Variants in TGS1 observed in about 807,000 individuals in gnomAD.
The protein encoded by TGS1 is trimethylguanosine synthase 1, also known as trimethylguanosine synthase.
A neutral mutation model predicts 92.2 loss-of-function variants in TGS1; 69 were observed. That is an observed-to-expected ratio of 0.75 (90% CI 0.62 to 0.91). The LOEUF (loss-of-function observed/expected upper bound fraction) is 0.91. Among genes scored for constraint, TGS1 ranks in the 40% least tolerant of loss-of-function variants. TGS1 has a pLI of 0.00. For synonymous variants in TGS1, 345 were observed against 338.1 expected (o/e 1.02, Z -0.22); for missense variants, 1,062 against 1,001.2 (o/e 1.06, Z -0.82).
Position 55,773,495 on chromosome 8 carries a change from C to A in TGS1, c.-124C>A, listed in dbSNP as rs560918944. 2.8e-4 allele frequency: 182 copies of A among 656,856 alleles called. 1 individual carries two copies. In the African/African-American group the frequency reaches 3.1e-3, roughly 11 times the overall value. The allele number at this position is 656,856 out of a possible 1,614,324, so 40.7% of individuals were successfully genotyped here. A position where few individuals can be genotyped will look rare whatever the true frequency, so the allele number is the denominator to read the frequency against. On this transcript the variant is annotated 5_prime_UTR_variant, in exon 1 of 13. Transcript: ENST00000260129. Reference sequence around the variant, plus strand: ...AGTTCCCGGCGCGAGCGGCCGCGGGCCAGTTTCTATCTCCTCATCCAGGGC... The same window carrying A: ...AGTTCCCGGCGCGAGCGGCCGCGGGACAGTTTCTATCTCCTCATCCAGGGC...
At chr8:55,822,460 A>G (rs568023490) in intron 12 of TGS1, among the ~76,000 whole-genome samples, 1 of 152,214 alleles carries the variant, frequency 6.6e-6, no homozygotes, top group East Asian at 1.9e-4. Context: ...GAAATGCTAC[A>G]TTTGAGTTAT....
Position 55,773,456 on chromosome 8 carries a change from G to A in TGS1, c.-163G>A, listed in dbSNP as rs916934327. On this transcript the variant is annotated 5_prime_UTR_variant, in exon 1 of 13. Coordinates refer to ENST00000260129, the MANE Select transcript of TGS1 (RefSeq NM_024831.8). ...TGGCCCCTCGGAGCCACTTCCGGCG[G>A]CAGCGTCCGGGCTAGTTCCCGGCGC... 17 of 514,218 alleles carry A rather than the reference G, an allele frequency of 3.3e-5. No homozygotes were observed. The highest frequency in any genetic ancestry group is 2.8e-4 in the African/African-American group (14 of 49,604). The allele number at this position is 514,218 out of a possible 1,614,324, so 31.9% of individuals were successfully genotyped here.
At chr8:55,789,103 A>G (rs1158179790) in intron 4 of TGS1, among the ~76,000 whole-genome samples, 1 of 152,188 alleles carries the variant, frequency 6.6e-6, no homozygotes, top group Admixed American at 6.5e-5. Flanking sequence ...TGAGTTCAAA[A>G]TTTAAGGTAT....
At chr8:55,810,645 G>T (rs1254231663) in intron 10 of TGS1, among the ~76,000 whole-genome samples, 4 of 152,208 alleles carry the variant, frequency 2.6e-5, no homozygotes, top group Non-Finnish European at 4.4e-5. Context: ...GCTGTAGAAT[G>T]AGACAAGAAA....
intron 9 of TGS1, among the ~76,000 whole-genome samples, chr8:55,803,234 CAG>C (rs1812271733): frequency 1.3e-5 from 2 of 152,054 alleles, no homozygotes; most frequent in Non-Finnish European, 2.9e-5. Flanking sequence ...AATTATTAAA[CAG>C]AAAACCTGAT....
intron 9 of TGS1, among the ~76,000 whole-genome samples, chr8:55,802,938 G>T (rs1812261350): frequency 1.3e-5 from 2 of 151,182 alleles, no homozygotes; most frequent in Non-Finnish European, 1.5e-5. Context: ...TTCATTAATT[G>T]TCCTAATCTT....
chr8:55,795,835 T>C (rs945235988), intron 6 of TGS1, 143 bp from the exon 7 acceptor site: 6 of 708,676 alleles, frequency 8.5e-6, no homozygotes, highest in Non-Finnish European at 9.5e-6. Flanking sequence ...CAAGTTGAAC[T>C]TGATTTTATC....
chr8:55,819,455 C>A (rs898255473), intron 12 of TGS1, among the ~76,000 whole-genome samples: 2 of 151,714 alleles, frequency 1.3e-5, no homozygotes, highest in African/African-American at 4.9e-5. Flanking sequence ...TGCCACTATG[C>A]CCGGCTAATT....
At chr8:55,812,980 A>G (rs1803377757) in intron 11 of TGS1, 60 bp from the exon 12 acceptor site, 15 of 1,242,514 alleles carry the variant, frequency 1.2e-5, no homozygotes, top group Non-Finnish European at 1.8e-5. Context: ...AGTAAAACAC[A>G]TCTCTTTCTG....
intron 10 of TGS1, among the ~76,000 whole-genome samples, chr8:55,806,117 A>C (rs1423010038): frequency 6.6e-6 from 1 of 151,758 alleles, no homozygotes; most frequent in Non-Finnish European, 1.5e-5. Context: ...GCACTTTAGG[A>C]GGCCGAGGCA....
chr8:55,810,790 C>A, intron 10 of TGS1, 91 bp from the exon 11 acceptor site: 3 of 1,037,874 alleles, frequency 2.9e-6, no homozygotes, highest in Non-Finnish European at 2.9e-6. Context: ...AGTTCTTATA[C>A]AGAAGATGAC....
intron 1 of TGS1, among the ~76,000 whole-genome samples, chr8:55,775,246 AAAAAAGAAAAG>A (rs1811359900): frequency 6.7e-6 from 1 of 149,606 alleles, no homozygotes; most frequent in South Asian, 2.1e-4. Flanking sequence ...TCCCGAAAAA[AAAAAAGAAAAG>A]AAAAGAAAGA....
intron 9 of TGS1, 70 bp from the exon 10 acceptor site, chr8:55,804,822 GT>G (rs1812319080): frequency 7.5e-7 from 1 of 1,331,110 alleles, no homozygotes; most frequent in Non-Finnish European, 1.1e-6. Context: ...ATATAGTAAT[GT>G]TTGCTATGTT....
intron 3 of TGS1, 146 bp from the exon 4 acceptor site, chr8:55,786,092 T>C (rs1158687519): frequency 1.3e-5 from 9 of 691,750 alleles, no homozygotes; most frequent in East Asian, 5.6e-5. Context: ...GAAACTTAGA[T>C]AGTATATCAC....
At chr8:55,807,997 G>T (rs995681818) in intron 10 of TGS1, among the ~76,000 whole-genome samples, 1 of 152,180 alleles carries the variant, frequency 6.6e-6, no homozygotes, top group African/African-American at 2.4e-5. Flanking sequence ...TGGAAAGCAC[G>T]TAGTAGCTGT....
At chr8:55,784,832 T>C (rs567635017) in intron 2 of TGS1, among the ~76,000 whole-genome samples, 9 of 152,182 alleles carry the variant, frequency 5.9e-5, no homozygotes, top group Non-Finnish European at 1.2e-4. Flanking sequence ...TGTGAACATA[T>C]AAGTATTTTC....
intron 10 of TGS1, among the ~76,000 whole-genome samples, chr8:55,806,114 A>G (rs13253623): frequency 0.84 from 127,007 of 151,448 alleles, 53,706 homozygotes; most frequent in African/African-American, 0.95. Context: ...CCAGCACTTT[A>G]GGAGGCCGAG....
intron 2 of TGS1, among the ~76,000 whole-genome samples, chr8:55,785,324 G>A (rs1296698134): frequency 1.3e-5 from 2 of 152,088 alleles, no homozygotes; most frequent in African/African-American, 4.8e-5. Context: ...CGAAAGTGCT[G>A]GGATTACAGG....
Position 55,779,190 on chromosome 8 carries a change from A to G in TGS1, c.102-3558A>G, listed in dbSNP as rs749255517. 1.1e-3 allele frequency among the ~76,000 whole-genome samples: 170 copies of G among 152,354 alleles called. 1 individual carries two copies. Among genetic ancestry groups the G allele is most frequent in the East Asian group, 9.6e-4 (5 of 5,196 alleles). Reference sequence around the variant, plus strand: ...AAAGACAGCTTTATAGAGACTACTTAGCAAGTATAATGGAAATTCTTCAAA... The same window carrying G: ...AAAGACAGCTTTATAGAGACTACTTGGCAAGTATAATGGAAATTCTTCAAA... On this transcript the variant is annotated intron_variant, in intron 1 of 12. Coordinates refer to ENST00000260129, the MANE Select transcript of TGS1 (RefSeq NM_024831.8).
Sources: gnomAD v4.1 joint callset for allele counts (sites outside exome capture counted in the v4.1 genomes callset) on GRCh38, gnomAD v4.1.1 for gene constraint, MANE v1.5 for transcripts, NCBI Gene and HGNC (gene_info 2026-07-23, HGNC 2026-07-21) for gene names.